The following AGAP1 variants were observed in gnomAD, a reference collection of about 807,000 sequenced individuals.
AGAP1 encodes the protein ArfGAP with GTPase domain, ankyrin repeat and PH domain 1, also known as arf-GAP with GTPase, ANK repeat and PH domain-containing protein 1.
AGAP1 carries 29 observed loss-of-function variants against 105.3 expected under a neutral mutation model. The ratio of observed to expected loss-of-function variants is 0.28; its 90% CI spans 0.21 to 0.38. The LOEUF (loss-of-function observed/expected upper bound fraction) is 0.38. Ranked by LOEUF, AGAP1 falls within the 10% of genes least tolerant of loss-of-function variation. The pLI is 1.00. For missense variants in AGAP1, 998 were observed against 1,165.1 expected, an observed-to-expected ratio of 0.86 and a Z score of 2.09; for synonymous variants, 509 against 485.9, an observed-to-expected ratio of 1.05 and a Z score of -0.63.
intron 1 of AGAP1, among the ~76,000 whole-genome samples, chr2:235,629,148 C>T (rs1054812127): frequency 9.2e-5 from 14 of 152,152 alleles, no homozygotes; most frequent in African/African-American, 2.7e-4. Flanking sequence ...CCCACCTATC[C>T]GTGAGAACAA....
At chr2:236,107,210 G>A (rs1483621068) in intron 16 of AGAP1, among the ~76,000 whole-genome samples, 1 of 151,474 alleles carries the variant, frequency 6.6e-6, no homozygotes, top group East Asian at 2.0e-4. Context: ...TGAAGCCTGG[G>A]AGAGGGTGGC....
chr2:235,702,934 G>GTTTTTTCTTTTTTTTTTTTTTTT (rs1950326496), intron 1 of AGAP1, among the ~76,000 whole-genome samples: 1 of 88,946 alleles, frequency 1.1e-5, no homozygotes, highest in Admixed American at 1.5e-4. Context: ...AGTTTTCTTG[G>GTTTTTTCTTTTTTTTTTTTTTTT]TTTTTTTTTT....
chr2:235,548,682 A>G (rs982000178), intron 1 of AGAP1, among the ~76,000 whole-genome samples: 1 of 150,996 alleles, frequency 6.6e-6, no homozygotes, highest in African/African-American at 2.4e-5. Flanking sequence ...GCCACGATGT[A>G]TGAAGACCTG....
At chr2:235,910,659 T>C (rs572851208) in intron 11 of AGAP1, among the ~76,000 whole-genome samples, 1 of 152,350 alleles carries the variant, frequency 6.6e-6, no homozygotes, top group South Asian at 2.1e-4. Context: ...GGCTCACGCC[T>C]GTAACCCCAG....
At position 235,611,736 on chromosome 2, in the gene AGAP1, T is replaced by A. The variant is rs1442978296; in HGVS notation, c.164-97443T>A. ...TTTCTGTTGAAATCTAGATTTGGTATAACTGTCTTCATTTCTTTAAAGAGC... is the reference window on the plus strand; with the variant it reads ...TTTCTGTTGAAATCTAGATTTGGTAAAACTGTCTTCATTTCTTTAAAGAGC... On this transcript the variant is annotated intron_variant, in intron 1 of 17. Coordinates refer to ENST00000304032, the MANE Select transcript of AGAP1 (RefSeq NM_001037131.3). This position sits in a 1 kb window ranked among gnomAD's most constrained non-coding sequence, Gnocchi z 5.0. Among the ~76,000 whole-genome samples the A allele has an allele frequency of 6.6e-6, 1 of 152,248 alleles. No homozygotes were observed. Among genetic ancestry groups the A allele is most frequent in the East Asian group, 1.9e-4 (1 of 5,202 alleles).
At chr2:235,933,039 A>AT (rs2052801313) in intron 12 of AGAP1, among the ~76,000 whole-genome samples, 1 of 150,514 alleles carries the variant, frequency 6.6e-6, no homozygotes, top group Admixed American at 6.6e-5. Context: ...AACATAGAAG[A>AT]TAAGAAACAA....
At chr2:235,661,508 A>C in intron 1 of AGAP1, among the ~76,000 whole-genome samples, 1 of 137,228 alleles carries the variant, frequency 7.3e-6, no homozygotes, top group African/African-American at 2.9e-5. Flanking sequence ...AGGAATGGGA[A>C]AGGGGGCTGG....
chr2:236,109,282 C>T lies in AGAP1; in HGVS notation c.2115-10910C>T, dbSNP rs2059584809. Among the ~76,000 whole-genome samples, 1 of 152,212 alleles carries T rather than the reference C, an allele frequency of 6.6e-6. No homozygotes were observed. The highest frequency in any genetic ancestry group is 6.5e-5 in the Admixed American group (1 of 15,284). ...CAGCTGCCTGGTCAGCCTGACCCCG[C>T]CCTGCCGAGCACCTCATTCCCGGGC... is the stretch of plus-strand genomic sequence containing the variant. On this transcript the variant is annotated intron_variant, in intron 16 of 17. Coordinates refer to ENST00000304032, the MANE Select transcript of AGAP1 (RefSeq NM_001037131.3). The surrounding 1 kb of genome is among the most constrained non-coding windows in gnomAD (Gnocchi z 5.4).
intron 16 of AGAP1, 114 bp downstream of exon 16, chr2:236,049,395 G>A (rs989042350): frequency 6.1e-5 from 58 of 948,936 alleles, no homozygotes; most frequent in Middle Eastern, 6.6e-4. Flanking sequence ...GTAGGAATTC[G>A]GGAATTCCGA....
chr2:235,546,537 C>G (rs1243964904), intron 1 of AGAP1, among the ~76,000 whole-genome samples: 1 of 152,172 alleles, frequency 6.6e-6, no homozygotes, highest in Non-Finnish European at 1.5e-5. Context: ...GGAAGCCAGG[C>G]TGTGGCCCTT....
At chr2:235,674,653 T>A (rs1948625005) in intron 1 of AGAP1, among the ~76,000 whole-genome samples, 1 of 152,092 alleles carries the variant, frequency 6.6e-6, no homozygotes, top group Admixed American at 6.5e-5. Flanking sequence ...AATTTCTGAT[T>A]CCCTTGATTT....
chr2:235,511,343 C>T (rs1443104347), intron 1 of AGAP1, among the ~76,000 whole-genome samples: 9 of 152,048 alleles, frequency 5.9e-5, no homozygotes, highest in African/African-American at 1.9e-4. Flanking sequence ...CCCGCCCTCT[C>T]GGTGAGCAAG....
chr2:235,702,934 G>GT lies in AGAP1; in HGVS notation c.164-6233dup, dbSNP rs549844265. On this transcript the variant is annotated intron_variant, in intron 1 of 17. Coordinates refer to ENST00000304032, the MANE Select transcript of AGAP1 (RefSeq NM_001037131.3). ...TGGTCACTGTGAGCCAGTTTTCTTG[G>GT]TTTTTTTTTTTTGGACAGAGTCTGG... 9.3e-3 allele frequency among the ~76,000 whole-genome samples: 828 copies of GT among 88,950 alleles called. 75 individuals are homozygous for GT. The highest frequency in any genetic ancestry group is 0.029 in the Middle Eastern group (4 of 136). The allele number at this position is 88,950 out of a possible 152,430, so 58.4% of individuals were successfully genotyped here. A position where few individuals can be genotyped will look rare whatever the true frequency, so the allele number is the denominator to read the frequency against.
chr2:235,759,164 C>CTTTTT (rs560528348), intron 6 of AGAP1, among the ~76,000 whole-genome samples: 35 of 104,100 alleles, frequency 3.4e-4, no homozygotes, highest in African/African-American at 7.3e-4. Context: ...TGATGTCATT[C>CTTTTT]TTTTTTTTTT....
intron 1 of AGAP1, among the ~76,000 whole-genome samples, chr2:235,532,020 G>A (rs1434363486): frequency 6.6e-6 from 1 of 152,108 alleles, no homozygotes; most frequent in Non-Finnish European, 1.5e-5. Context: ...TTTTAAAAAG[G>A]AAAATACAGG....
rs1227176256 is a variant in AGAP1 at position 235,793,258 on chromosome 2, G to A, written c.674-4501G>A. On this transcript the variant is annotated intron_variant, in intron 6 of 17. Coordinates refer to ENST00000304032, the MANE Select transcript of AGAP1 (RefSeq NM_001037131.3). The surrounding 1 kb of genome is among the most constrained non-coding windows in gnomAD (Gnocchi z 5.3). ...CCCGGGCTTTCCAGAAGGCCTGGCTGGGAATGGGGCGTGGCACACGGTGTA... is the reference window on the plus strand; with the variant it reads ...CCCGGGCTTTCCAGAAGGCCTGGCTAGGAATGGGGCGTGGCACACGGTGTA... Among the ~76,000 whole-genome samples, 1 of 152,212 alleles carries A rather than the reference G, an allele frequency of 6.6e-6. No homozygotes were observed. Among genetic ancestry groups the A allele is most frequent in the African/African-American group, 2.4e-5 (1 of 41,456 alleles).
chr2:235,978,172 G>C (rs1308641281), intron 13 of AGAP1, among the ~76,000 whole-genome samples: 1 of 152,148 alleles, frequency 6.6e-6, no homozygotes, highest in African/African-American at 2.4e-5. Flanking sequence ...GCACATTGGT[G>C]GGGTGAGGAA....
In AGAP1 at chr2:235,696,198, C is replaced by T. The variant is rs377316826; in HGVS notation, c.164-12981C>T. On this transcript the variant is annotated intron_variant, in intron 1 of 17. Transcript: ENST00000304032. ...GTAGCTAGGATTACAGGCGTGCACC[C>T]CCATGCCCAGCTAATTTTTGTACTT... 3.3e-5 allele frequency among the ~76,000 whole-genome samples: 5 copies of T among 152,254 alleles called. No individual in the cohort carries two copies. In the East Asian group the frequency reaches 9.7e-4, roughly 29 times the overall value.
chr2:236,119,856 C>G lies in AGAP1; in HGVS notation c.2115-336C>G, dbSNP rs1447107713. On this transcript the variant is annotated intron_variant, in intron 16 of 17. Coordinates refer to ENST00000304032, the MANE Select transcript of AGAP1 (RefSeq NM_001037131.3). This position sits in a 1 kb window ranked among gnomAD's most constrained non-coding sequence, Gnocchi z 6.6. The stretch of plus-strand genomic sequence containing the variant: ...TCTACACTAAAAGTGACAGAAGCAG[C>G]ACCAAGGCAGTGTATGAGCCTGAGA... Among the ~76,000 whole-genome samples, 1 of 152,150 alleles carries G rather than the reference C, an allele frequency of 6.6e-6. No individual in the cohort carries two copies. Among genetic ancestry groups the G allele is most frequent in the Non-Finnish European group, 1.5e-5 (1 of 68,040 alleles).
Sources: allele counts gnomAD v4.1 joint callset (sites outside exome capture counted in the v4.1 genomes callset), GRCh38; gene constraint gnomAD v4.1.1; non-coding constraint Gnocchi (gnomAD v3.1); transcripts MANE v1.5; gene names NCBI Gene and HGNC (gene_info 2026-07-23, HGNC 2026-07-21).